The following FNBP4 variants were observed in gnomAD, a reference collection of about 807,000 sequenced individuals.
FNBP4 encodes the protein formin-binding protein 4.
Under a neutral mutation model 119.3 loss-of-function variants are expected in FNBP4, and 34 were observed. The ratio of observed to expected loss-of-function variants is 0.28; its 90% CI spans 0.22 to 0.38. The LOEUF is 0.38. Ranked by LOEUF, FNBP4 falls within the 10% of genes least tolerant of loss-of-function variation. The pLI is 1.00. For missense variants in FNBP4, 1,112 were observed against 1,228.9 expected, an observed-to-expected ratio of 0.90 and a Z score of 1.42; for synonymous variants, 462 against 430.6, an observed-to-expected ratio of 1.07 and a Z score of -0.90.
At chr11:47,743,346 G>C (rs182400313) in intron 8 of FNBP4, among the ~76,000 whole-genome samples, 1 of 152,048 alleles carries the variant, frequency 6.6e-6, no homozygotes, top group Non-Finnish European at 1.5e-5. Context: ...AGCCAGGCGC[G>C]GTGGCAGGCA....
At position 47,732,420 on chromosome 11, in the gene FNBP4, G is replaced by A. The variant is rs1300967202; in HGVS notation, c.1820+117C>T. 20 of 1,547,564 alleles carry A rather than the reference G, an allele frequency of 1.3e-5. No homozygotes were observed. Among genetic ancestry groups the A allele is most frequent in the East Asian group, 4.5e-5 (2 of 44,252 alleles). ...TGCGGTGCTTTGCCTGCCCAGCACC[G>A]CTAACTGCAGCTGCTCTCAGTCTCC... On this transcript the variant is annotated intron_variant, in intron 11 of 16. Transcript: ENST00000263773. The surrounding 1 kb of genome is among the most constrained non-coding windows in gnomAD (Gnocchi z 4.2).
chr11:47,734,890 T>C (rs1249585107), intron 9 of FNBP4, among the ~76,000 whole-genome samples: 2 of 151,774 alleles, frequency 1.3e-5, no homozygotes, highest in Admixed American at 6.6e-5. Flanking sequence ...GAAGAATTGC[T>C]TGAACCTGGG....
At chr11:47,750,832 T>C (rs1262855644) in intron 6 of FNBP4, 84 bp downstream of exon 6, 1 of 1,411,912 alleles carries the variant, frequency 7.1e-7, no homozygotes, top group African/African-American at 1.4e-5. Context: ...ACATAAAATA[T>C]TAAGAGAAGG....
At chr11:47,738,039 G>A (rs954968023) in intron 8 of FNBP4, among the ~76,000 whole-genome samples, 2 of 151,670 alleles carry the variant, frequency 1.3e-5, no homozygotes, top group African/African-American at 4.8e-5. Context: ...CACCACGCCC[G>A]GCATGCATCA....
intron 9 of FNBP4, 121 bp from the exon 10 acceptor site, chr11:47,734,250 C>A: frequency 2.0e-6 from 1 of 497,332 alleles, no homozygotes; most frequent in Non-Finnish European, 3.5e-6. Context: ...ACAGCCTTCC[C>A]CAAACAGCTG....
chr11:47,739,072 T>C (rs1423109073), intron 8 of FNBP4, among the ~76,000 whole-genome samples: 1 of 151,426 alleles, frequency 6.6e-6, no homozygotes, highest in Admixed American at 6.6e-5. Context: ...TCACAGCTTA[T>C]TGCAGTCTTG....
At chr11:47,757,713 T>C (rs1220727730) in intron 2 of FNBP4, among the ~76,000 whole-genome samples, 1 of 149,200 alleles carries the variant, frequency 6.7e-6, no homozygotes, top group Non-Finnish European at 1.5e-5. Context: ...TAGCTGCTCT[T>C]GGACTCCTGA....
intron 6 of FNBP4, among the ~76,000 whole-genome samples, chr11:47,750,682 C>A (rs1407324707): frequency 1.2e-5 from 1 of 80,444 alleles, no homozygotes; most frequent in Non-Finnish European, 2.1e-5. Context: ...GGGCGAGACT[C>A]TGTCTCAAAA....
chr11:47,723,368 C>G, intron 14 of FNBP4, 52 bp from the exon 15 acceptor site: 1 of 1,531,828 alleles, frequency 6.5e-7, no homozygotes, highest in Non-Finnish European at 8.8e-7. Context: ...ATGACAAGAA[C>G]AGATGCAATG....
chr11:47,737,526 A>ACGGAT (rs1191964635), intron 8 of FNBP4, among the ~76,000 whole-genome samples: 2 of 151,872 alleles, frequency 1.3e-5, no homozygotes, highest in Non-Finnish European at 2.9e-5. Context: ...TGCAGCCTCA[A>ACGGAT]CCTCCTAGGC....
chr11:47,753,252 A>C, intron 3 of FNBP4, 150 bp from the exon 4 acceptor site: 1 of 551,300 alleles, frequency 1.8e-6, no homozygotes, highest in Non-Finnish European at 3.1e-6. Flanking sequence ...AGACAGGTGG[A>C]TCACTTGAGG....
chr11:47,746,622 C>T (rs2097590870), intron 6 of FNBP4, among the ~76,000 whole-genome samples: 1 of 151,996 alleles, frequency 6.6e-6, no homozygotes, highest in South Asian at 2.1e-4. Flanking sequence ...TCAAGCTATT[C>T]TCCTGTCTCA....
intron 9 of FNBP4, among the ~76,000 whole-genome samples, chr11:47,735,420 C>T (rs2097572694): frequency 6.6e-6 from 1 of 152,136 alleles, no homozygotes. Context: ...GTGGTTTTTC[C>T]AACAGACCAC....
chr11:47,720,816 C>T (rs983446976), intron 15 of FNBP4, among the ~76,000 whole-genome samples: 2 of 147,102 alleles, frequency 1.4e-5, no homozygotes, highest in African/African-American at 2.5e-5. Context: ...AGCAACAAAG[C>T]AAACTGCCAT....
In FNBP4 at chr11:47,716,769, T is replaced by C. The variant is rs2097550358; in HGVS notation, c.*653A>G. 6.6e-6 allele frequency: 1 copy of C among 152,500 alleles called. No individual in the cohort carries two copies. The highest frequency in any genetic ancestry group is 2.4e-5 in the African/African-American group (1 of 41,314). 9.4% of individuals were successfully genotyped at this position (152,500 alleles called of 1,614,324 possible). A position where few individuals can be genotyped will look rare whatever the true frequency, so the allele number is the denominator to read the frequency against. Reference sequence around the variant, plus strand: ...AACAGGGTTAAGACAATGGAGACATTAATACATAGAGTGTCTTGTTGTATT... The same window carrying C: ...AACAGGGTTAAGACAATGGAGACATCAATACATAGAGTGTCTTGTTGTATT... On this transcript the variant is annotated 3_prime_UTR_variant, in exon 17 of 17. Coordinates refer to ENST00000263773, the MANE Select transcript of FNBP4 (RefSeq NM_015308.5).
chr11:47,743,243 C>G (rs2097584797), intron 8 of FNBP4, among the ~76,000 whole-genome samples: 1 of 152,158 alleles, frequency 6.6e-6, no homozygotes, highest in African/African-American at 2.4e-5. Flanking sequence ...AATCCCAGCA[C>G]TTTGGGAGGC....
intron 8 of FNBP4, among the ~76,000 whole-genome samples, chr11:47,742,960 G>A (rs1346799298): frequency 6.6e-6 from 1 of 151,584 alleles, no homozygotes; most frequent in African/African-American, 2.4e-5. Context: ...CACCTGTATT[G>A]TTGTTTTTTT....
At chr11:47,745,702 C>A (rs1343814050) in intron 7 of FNBP4, among the ~76,000 whole-genome samples, 1 of 152,120 alleles carries the variant, frequency 6.6e-6, no homozygotes, top group Non-Finnish European at 1.5e-5. Flanking sequence ...TGGTTTGAGG[C>A]TCGGGTGGGC....
chr11:47,727,254 T>C (rs925289142), intron 12 of FNBP4, among the ~76,000 whole-genome samples: 78 of 150,102 alleles, frequency 5.2e-4, no homozygotes, highest in African/African-American at 1.7e-3. Context: ...TTTTCTTCTT[T>C]TTTTTTTTTT....
Sources: gnomAD v4.1 joint callset for allele counts (sites outside exome capture counted in the v4.1 genomes callset) on GRCh38, gnomAD v4.1.1 for gene constraint, Gnocchi (gnomAD v3.1) non-coding constraint, MANE v1.5 for transcripts, NCBI Gene and HGNC (gene_info 2026-07-23, HGNC 2026-07-21) for gene names.